TRMT9B: variants seen among roughly 807,000 people sequenced by gnomAD.
TRMT9B encodes the protein probable tRNA methyltransferase 9B.
Under a neutral mutation model 11.5 loss-of-function variants are expected in TRMT9B, and 16 were observed. The observed-to-expected ratio is 1.39, with a 90% CI of 0.94 to 2.11. The LOEUF (loss-of-function observed/expected upper bound fraction) is 2.11. TRMT9B is among the 30% of genes most tolerant of loss of function. TRMT9B has a pLI of 0.00. For synonymous variants in TRMT9B, 274 were observed against 192.4 expected (o/e 1.42, Z -3.51); for missense variants, 941 against 553.8 (o/e 1.70, Z -7.02).
chr8:12,994,746 A>T (rs1032882452), intron 2 of TRMT9B, among the ~76,000 whole-genome samples: 1 of 152,136 alleles, frequency 6.6e-6, no homozygotes, highest in Non-Finnish European at 1.5e-5. Flanking sequence ...CAGTGGCACG[A>T]TCTCAGCTCA....
At chr8:12,985,243 G>A (rs919879060) in intron 1 of TRMT9B, among the ~76,000 whole-genome samples, 3 of 152,144 alleles carry the variant, frequency 2.0e-5, no homozygotes, top group Non-Finnish European at 1.5e-5. Context: ...AGAGAGGATC[G>A]TATTCTCCCG....
chr8:12,977,295 G>A (rs2460906), intron 1 of TRMT9B, among the ~76,000 whole-genome samples: 12,582 of 152,254 alleles, frequency 0.083, 610 homozygotes, highest in African/African-American at 0.11. Flanking sequence ...CTGGAGAGGA[G>A]AGGAATGTGT....
intron 1 of TRMT9B, among the ~76,000 whole-genome samples, chr8:12,952,924 G>A (rs931540697): frequency 2.0e-5 from 3 of 152,172 alleles, no homozygotes; most frequent in Admixed American, 1.3e-4. Flanking sequence ...ATTTTTACTA[G>A]AGACGGGGTT....
rs142369360 is a variant in TRMT9B at position 12,963,408 on chromosome 8, G to C, written c.-200+17442G>C. On this transcript the variant is annotated intron_variant, in intron 1 of 4. Coordinates refer to ENST00000524591, the MANE Select transcript of TRMT9B (RefSeq NM_020844.3). The stretch of plus-strand genomic sequence containing the variant: ...AGATTGCACCACTGCACTCCAGCCT[G>C]GGAGACAGAGTGAGACTTTGTCACA... Among the ~76,000 whole-genome samples the C allele has an allele frequency of 4.9e-3, 745 of 152,196 alleles. 4 individuals carry two copies. The highest frequency in any genetic ancestry group is 8.1e-3 in the Non-Finnish European group (554 of 68,010).
chr8:12,974,514 G>C (rs1233364704), intron 1 of TRMT9B, among the ~76,000 whole-genome samples: 1 of 152,144 alleles, frequency 6.6e-6, no homozygotes, highest in East Asian at 1.9e-4. Flanking sequence ...ATGGAAGAAT[G>C]AGCCCCAACA....
In TRMT9B at chr8:13,020,992, G is replaced by A; in HGVS notation, c.329-16G>A. ...GTGTGTGCATACACACTGAGATCTA[G>A]TTTTGTCTTTTTCAGTCATACATCA... On this transcript the variant is annotated splice_polypyrimidine_tract_variant and intron_variant, in intron 4 of 4. Transcript: ENST00000524591. 2 of 1,502,766 alleles carry A rather than the reference G, an allele frequency of 1.3e-6. No homozygotes were observed. Among genetic ancestry groups the A allele is most frequent in the Non-Finnish European group, 1.8e-6 (2 of 1,119,488 alleles). The allele number at this position is 1,502,766 out of a possible 1,614,324, so 93.1% of individuals were successfully genotyped here. A position where few individuals can be genotyped will look rare whatever the true frequency, so the allele number is the denominator to read the frequency against.
chr8:13,010,789 C>A (rs187627349), intron 3 of TRMT9B: 18 of 981,824 alleles, frequency 1.8e-5, no homozygotes, highest in Non-Finnish European at 2.2e-5. Flanking sequence ...TAAAATAGGA[C>A]CATCGTCTTT....
At chr8:13,011,721 A>T (rs1018644698) in intron 3 of TRMT9B, 2 of 974,018 alleles carry the variant, frequency 2.1e-6, no homozygotes, top group Non-Finnish European at 2.4e-6. Flanking sequence ...CTGCTACTGG[A>T]AAGTGAATAT....
chr8:12,998,755 A>G (rs1349711767), intron 2 of TRMT9B, among the ~76,000 whole-genome samples: 2 of 152,230 alleles, frequency 1.3e-5, no homozygotes, highest in East Asian at 3.8e-4. Flanking sequence ...ATGAGACAGT[A>G]GAAAAACCTT....
intron 3 of TRMT9B, among the ~76,000 whole-genome samples, chr8:13,009,536 C>T (rs1479939662): frequency 6.6e-6 from 1 of 152,122 alleles, no homozygotes; most frequent in Non-Finnish European, 1.5e-5. Context: ...AGGCCTCTGA[C>T]GCTGTTAGCT....
intron 1 of TRMT9B, among the ~76,000 whole-genome samples, chr8:12,964,907 T>C (rs923003019): frequency 2.0e-5 from 3 of 152,164 alleles, no homozygotes; most frequent in Admixed American, 2.0e-4. Flanking sequence ...TAAGACTGTT[T>C]TCTTACACAC....
intron 2 of TRMT9B, among the ~76,000 whole-genome samples, chr8:13,000,718 A>G (rs1164067516): frequency 6.6e-6 from 1 of 152,244 alleles, no homozygotes; most frequent in African/African-American, 2.4e-5. Context: ...AAGGTAAGAT[A>G]TTACAACACT....
intron 4 of TRMT9B, 82 bp from the exon 5 acceptor site, chr8:13,020,926 T>C: frequency 2.2e-6 from 2 of 898,786 alleles, no homozygotes; most frequent in Non-Finnish European, 3.2e-6. Flanking sequence ...ATTTCATCCT[T>C]GTTATATGGT....
chr8:12,970,116 G>A (rs907643546), intron 1 of TRMT9B: 11 of 152,080 alleles, frequency 7.2e-5, no homozygotes, highest in Non-Finnish European at 8.8e-5. Flanking sequence ...CCCCTCACCT[G>A]GTGATAACAC....
intron 1 of TRMT9B, among the ~76,000 whole-genome samples, chr8:12,985,397 T>G (rs1806125605): frequency 1.3e-5 from 2 of 152,140 alleles, no homozygotes; most frequent in Admixed American, 1.3e-4. Flanking sequence ...GAGGAGAAAA[T>G]ATTTATGAAG....
At chr8:13,001,734 A>T (rs535075721) in intron 2 of TRMT9B, among the ~76,000 whole-genome samples, 89 of 143,360 alleles carry the variant, frequency 6.2e-4, no homozygotes, top group African/African-American at 2.1e-3. Context: ...GATTTTTCAA[A>T]ACTCATAGTG....
chr8:13,002,426 G>T (rs574727343), intron 2 of TRMT9B, among the ~76,000 whole-genome samples: 1 of 152,174 alleles, frequency 6.6e-6, no homozygotes, highest in South Asian at 2.1e-4. Flanking sequence ...TTTTTCTCTT[G>T]TGTGGGCAGT....
intron 1 of TRMT9B, among the ~76,000 whole-genome samples, chr8:12,978,323 C>A (rs1243268665): frequency 2.0e-5 from 3 of 152,158 alleles, no homozygotes; most frequent in African/African-American, 7.2e-5. Context: ...CTCCAGCAAG[C>A]CTTTGTTTCC....
chr8:12,990,777 T>C (rs962789556), intron 1 of TRMT9B, 57 bp from the exon 2 acceptor site: 12 of 1,147,210 alleles, frequency 1.0e-5, no homozygotes, highest in Non-Finnish European at 1.4e-5. Context: ...GGGCTGTAGC[T>C]GGCTCCATAT....
Sources: allele counts gnomAD v4.1 joint callset (sites outside exome capture counted in the v4.1 genomes callset), GRCh38; gene constraint gnomAD v4.1.1; transcripts MANE v1.5; gene names NCBI Gene and HGNC (gene_info 2026-07-23, HGNC 2026-07-21).